Variants in R3HDM1 observed in about 807,000 individuals in gnomAD.
R3HDM1 encodes the protein R3H domain containing 1.
In R3HDM1, 46 loss-of-function variants were observed where a neutral mutation model predicts 141.1. That is an observed-to-expected ratio of 0.33 (90% CI 0.26 to 0.42). The LOEUF (loss-of-function observed/expected upper bound fraction) is 0.42. Among genes scored for constraint, R3HDM1 ranks in the 10% least tolerant of loss-of-function variants. R3HDM1 has a pLI of 1.00. For synonymous variants in R3HDM1, 435 were observed against 472.9 expected (o/e 0.92, Z 1.04); for missense variants, 1,184 against 1,368.3 (o/e 0.87, Z 2.12).
intron 1 of R3HDM1, among the ~76,000 whole-genome samples, chr2:135,600,506 C>T (rs2059541355): frequency 6.6e-6 from 1 of 152,148 alleles, no homozygotes; most frequent in Non-Finnish European, 1.5e-5. Flanking sequence ...AGTCAGTCCT[C>T]ACAACAAACC....
intron 1 of R3HDM1, chr2:135,584,110 T>G: frequency 1.1e-6 from 1 of 929,518 alleles, no homozygotes; most frequent in Non-Finnish European, 1.3e-6. Flanking sequence ...GGTGGATCAC[T>G]TGAGGTCAGA....
intron 1 of R3HDM1, chr2:135,566,567 A>C (rs999894458): frequency 1.9e-5 from 3 of 161,714 alleles, no homozygotes; most frequent in African/African-American, 7.2e-5. Flanking sequence ...AATAAATCTG[A>C]ATGCCAGATT....
chr2:135,606,012 T>G (rs1439650166), intron 3 of R3HDM1: 1 of 152,138 alleles, frequency 6.6e-6, no homozygotes, highest in Non-Finnish European at 1.5e-5. Context: ...ATCTCATCAT[T>G]TATCAGTCAG....
intron 14 of R3HDM1, among the ~76,000 whole-genome samples, chr2:135,640,613 A>G (rs1574605882): frequency 6.6e-6 from 1 of 152,238 alleles, no homozygotes; most frequent in East Asian, 1.9e-4. Flanking sequence ...TCATTTTGGC[A>G]TAACTTAAAA....
intron 21 of R3HDM1, among the ~76,000 whole-genome samples, chr2:135,694,033 G>A (rs1408805516): frequency 6.6e-6 from 1 of 152,046 alleles, no homozygotes; most frequent in African/African-American, 2.4e-5. Flanking sequence ...AATTTAACAT[G>A]AGACAAAAAG....
At chr2:135,682,253 G>A (rs1364560722) in intron 21 of R3HDM1, among the ~76,000 whole-genome samples, 1 of 151,900 alleles carries the variant, frequency 6.6e-6, no homozygotes, top group Non-Finnish European at 1.5e-5. Flanking sequence ...TGAGAGATGG[G>A]TATTAAGTTA....
rs745816772 is a variant in R3HDM1, at chr2:135,651,909, A to ACCT, written c.1917_1919dup (p.Pro640dup). Reference sequence around the variant, plus strand: ...ATCCTCCTCCACCGCCACCACCACCACCTCCTCCTCCTCCCCTACCACCTG... The same window carrying ACCT: ...ATCCTCCTCCACCGCCACCACCACCACCTCCTCCTCCTCCTCCCCTACCACCTG... On this transcript the variant is annotated inframe_insertion, in exon 18 of 27. Coordinates refer to ENST00000683871, the MANE Select transcript of R3HDM1 (RefSeq NM_001378107.1). 3 of 1,564,092 alleles carry ACCT rather than the reference A, an allele frequency of 1.9e-6. No individual in the cohort carries two copies. The highest frequency in any genetic ancestry group is 2.6e-6 in the Non-Finnish European group (3 of 1,145,036).
intron 1 of R3HDM1, among the ~76,000 whole-genome samples, chr2:135,582,416 C>T (rs1175432465): frequency 6.6e-6 from 1 of 152,030 alleles, no homozygotes; most frequent in Non-Finnish European, 1.5e-5. Context: ...AATTTCTTAC[C>T]TCCTTTTAGG....
In R3HDM1 at chr2:135,616,712, A is replaced by G; in HGVS notation, c.258A>G (p.Glu86=). Residue 86 remains glutamate (E), a synonymous_variant, in exon 5 of 27, where the codon GAA becomes GAG. Coordinates refer to ENST00000683871, the MANE Select transcript of R3HDM1 (RefSeq NM_001378107.1). The stretch of plus-strand genomic sequence containing the variant: ...TAGTTCGGAGCCTTGCAGTGTGTGA[A>G]GAATCTCCACCACCCCCTGCACCAG... The part of the protein sequence containing the change: ...LKLVRSLAVC[E]ESPPPPAPEI... 6.2e-7 allele frequency: 1 copy of G among 1,610,196 alleles called. No homozygotes were observed. Among genetic ancestry groups the G allele is most frequent in the South Asian group, 1.1e-5 (1 of 90,338 alleles).
intron 19 of R3HDM1, among the ~76,000 whole-genome samples, chr2:135,662,429 G>A (rs1021577929): frequency 8.5e-5 from 13 of 152,182 alleles, no homozygotes; most frequent in African/African-American, 2.9e-4. Flanking sequence ...TTCTGTGCTA[G>A]ATATAGTTCA....
intron 2 of R3HDM1, among the ~76,000 whole-genome samples, chr2:135,603,942 A>G (rs1007280921): frequency 1.3e-5 from 2 of 152,196 alleles, no homozygotes; most frequent in African/African-American, 2.4e-5. Flanking sequence ...TTTGCAGCTT[A>G]AAATGAGTGC....
intron 21 of R3HDM1, among the ~76,000 whole-genome samples, chr2:135,680,712 G>A (rs2070138793): frequency 6.6e-6 from 1 of 152,224 alleles, no homozygotes; most frequent in Non-Finnish European, 1.5e-5. Context: ...AGAGGTTGTA[G>A]TGAACCAAGA....
intron 1 of R3HDM1, among the ~76,000 whole-genome samples, chr2:135,573,265 A>G (rs1450197287): frequency 6.6e-6 from 1 of 152,228 alleles, no homozygotes; most frequent in Non-Finnish European, 1.5e-5. Flanking sequence ...TCAAATAAAT[A>G]TAGAATAAGA....
At chr2:135,620,339 A>G in intron 5 of R3HDM1, 6 of 876,922 alleles carry the variant, frequency 6.8e-6, no homozygotes, top group South Asian at 5.3e-5. Context: ...AGTTATGAAA[A>G]GCGTAAAGAA....
intron 23 of R3HDM1, among the ~76,000 whole-genome samples, chr2:135,715,210 A>C (rs1463430700): frequency 6.6e-6 from 1 of 152,104 alleles, no homozygotes; most frequent in East Asian, 1.9e-4. Flanking sequence ...TTAGCTGGGC[A>C]TGGTGGCGGG....
Position 135,651,918 on chromosome 2 carries a change from T to G in R3HDM1, c.1914T>G (p.Pro638=). The change falls in exon 18 of 27, where the codon CCT becomes CCG. Residue 638 remains proline (P), a synonymous_variant. Transcript: ENST00000683871. ...PPPPPPPPPP[P]PPLPPGQPVP... ...CACCGCCACCACCACCACCTCCTCC[T>G]CCTCCCCTACCACCTGGGCAGCCAG... 6.6e-7 allele frequency: 1 copy of G among 1,504,132 alleles called. No individual in the cohort carries two copies. The highest frequency in any genetic ancestry group is 1.1e-5 in the South Asian group (1 of 89,372). 93.2% of individuals were successfully genotyped at this position (1,504,132 alleles called of 1,614,324 possible). A position where few individuals can be genotyped will look rare whatever the true frequency, so the allele number is the denominator to read the frequency against.
chr2:135,646,789 G>T, intron 16 of R3HDM1, among the ~76,000 whole-genome samples: 1 of 149,968 alleles, frequency 6.7e-6, no homozygotes. Flanking sequence ...GTTGCAGTGA[G>T]CCGAGATCAG....
chr2:135,707,968 C>T lies in R3HDM1; in HGVS notation c.2460-1465C>T, dbSNP rs543609596. Reference sequence around the variant, plus strand: ...TTACTAATTCTTATTAACTGTCAGCCTGAAAGACAGAATTAACTTTTTATT... The same window carrying T: ...TTACTAATTCTTATTAACTGTCAGCTTGAAAGACAGAATTAACTTTTTATT... On this transcript the variant is annotated intron_variant, in intron 21 of 26. Transcript: ENST00000683871. Among the ~76,000 whole-genome samples the T allele has an allele frequency of 4.6e-5, 7 of 152,220 alleles. No individual in the cohort carries two copies. In the South Asian group the frequency reaches 6.2e-4, roughly 14 times the overall value.
At chr2:135,587,119 T>A (rs1377000650) in intron 1 of R3HDM1, 1 of 489,774 alleles carries the variant, frequency 2.0e-6, no homozygotes, top group Non-Finnish European at 2.7e-6. Flanking sequence ...GAGCAAATGC[T>A]AATCAAACTA....
Sources: gnomAD v4.1 joint callset for allele counts (sites outside exome capture counted in the v4.1 genomes callset) on GRCh38, gnomAD v4.1.1 for gene constraint, MANE v1.5 for transcripts, NCBI Gene and HGNC (gene_info 2026-07-23, HGNC 2026-07-21) for gene names.